The following ZBTB46 variants were observed in gnomAD, a reference collection of about 807,000 sequenced individuals.
The protein encoded by ZBTB46 is zinc finger and BTB domain containing 46, also known as zinc finger and BTB domain-containing protein 46.
ZBTB46 carries 8 observed loss-of-function variants against 44.1 expected under a neutral mutation model. The observed-to-expected ratio is 0.18, with a 90% CI of 0.11 to 0.33. The LOEUF is 0.33. ZBTB46 is among the 10% of genes least tolerant of loss of function. The pLI is 1.00. For missense variants in ZBTB46, 651 were observed against 847.7 expected (o/e 0.77, Z 2.88); for synonymous variants, 409 against 382.3 (o/e 1.07, Z -0.81).
Position 63,775,728 on chromosome 20 carries a change from T to G in ZBTB46, c.1172A>C (p.Asp391Ala), listed in dbSNP as rs773767780. The G allele has an allele frequency of 1.2e-6, 2 of 1,609,744 alleles. No individual in the cohort carries two copies. Among genetic ancestry groups the G allele is most frequent in the South Asian group, 2.2e-5 (2 of 90,644 alleles). ...LSLKADVLGD[D>A]GSLLFEYLPR... is the part of the protein sequence containing the mutation. ...CAGGTACTCGAACAGCAGGGAGCCG[T>G]CATCCCCCAGCACGTCGGCCTTCAG... Residue 391 changes from aspartate to alanine, a missense_variant, in exon 3 of 5, where the codon GAC becomes GCC. Coordinates refer to ENST00000245663, the MANE Select transcript of ZBTB46 (RefSeq NM_001369741.1).
chr20:63,819,745 C>G (rs143933474), intron 1 of ZBTB46, among the ~76,000 whole-genome samples: 181 of 152,284 alleles, frequency 1.2e-3, no homozygotes, highest in African/African-American at 3.7e-3. Flanking sequence ...AGAGTTAGTG[C>G]CACCTCGTAA....
intron 1 of ZBTB46, among the ~76,000 whole-genome samples, chr20:63,801,967 C>T (rs1019391630): frequency 4.6e-5 from 7 of 152,138 alleles, no homozygotes; most frequent in African/African-American, 7.2e-5. Context: ...AAATATTTTT[C>T]CTCAGCTATA....
At chr20:63,759,028 A>T (rs2092250948) in intron 3 of ZBTB46, among the ~76,000 whole-genome samples, 1 of 152,084 alleles carries the variant, frequency 6.6e-6, no homozygotes, top group African/African-American at 2.4e-5. Context: ...CATGGTGCCC[A>T]GCGGAGATTC....
intron 4 of ZBTB46, among the ~76,000 whole-genome samples, chr20:63,748,705 C>A (rs1249185333): frequency 6.6e-6 from 1 of 152,220 alleles, no homozygotes; most frequent in African/African-American, 2.4e-5. Context: ...TGACCCCAGG[C>A]TCCCCTCGGC....
intron 1 of ZBTB46, among the ~76,000 whole-genome samples, chr20:63,812,651 C>T (rs1392217668): frequency 4.6e-5 from 7 of 151,274 alleles, no homozygotes; most frequent in African/African-American, 9.7e-5. Flanking sequence ...TGGTGGCAGG[C>T]GCCTGTAATC....
intron 1 of ZBTB46, among the ~76,000 whole-genome samples, chr20:63,822,936 G>A (rs1418280537): frequency 6.6e-6 from 1 of 151,870 alleles, no homozygotes; most frequent in African/African-American, 2.4e-5. Context: ...CGAGACGGGT[G>A]GATCACTTAA....
chr20:63,788,892 A>G (rs1348757268), intron 2 of ZBTB46, among the ~76,000 whole-genome samples: 3 of 147,664 alleles, frequency 2.0e-5, no homozygotes, highest in Non-Finnish European at 4.5e-5. Context: ...TTGGAGTGCA[A>G]TGGCGCGATC....
At chr20:63,783,913 C>T (rs1032690102) in intron 2 of ZBTB46, among the ~76,000 whole-genome samples, 4 of 152,172 alleles carry the variant, frequency 2.6e-5, no homozygotes, top group Admixed American at 6.5e-5. Context: ...GTTCAGGAGG[C>T]GAAACATTGT....
intron 1 of ZBTB46, among the ~76,000 whole-genome samples, chr20:63,815,846 G>A (rs1280762554): frequency 1.9e-5 from 2 of 104,286 alleles, no homozygotes; most frequent in African/African-American, 4.3e-5. Flanking sequence ...CACAGGTGCA[G>A]TGAGTGCAGG....
rs746633633 is a variant in ZBTB46, at chr20:63,748,914, C to G, written c.1399-1613G>C. 1.1e-4 allele frequency among the ~76,000 whole-genome samples: 16 copies of G among 152,224 alleles called. 1 individual carries two copies. Among genetic ancestry groups the G allele is most frequent in the Non-Finnish European group, 2.2e-4 (15 of 68,032 alleles). On this transcript the variant is annotated intron_variant, in intron 4 of 4. Coordinates refer to ENST00000245663, the MANE Select transcript of ZBTB46 (RefSeq NM_001369741.1). ...ACGGTCCTGCTACACTTGCAAAGAC[C>G]TCTGACGGGCAGGCACCACAGCTAC... is the stretch of plus-strand genomic sequence containing the variant.
At chr20:63,753,941 G>C (rs543164348) in intron 3 of ZBTB46, among the ~76,000 whole-genome samples, 1 of 152,330 alleles carries the variant, frequency 6.6e-6, no homozygotes, top group Non-Finnish European at 1.5e-5. Flanking sequence ...CTGCCCTCCT[G>C]ACCAGCAGTC....
upstream of ZBTB46, among the ~76,000 whole-genome samples, chr20:63,832,113 C>T (rs1163771493): frequency 1.3e-5 from 2 of 151,986 alleles, no homozygotes; most frequent in Non-Finnish European, 2.9e-5. The surrounding 1 kb of genome is among the most constrained non-coding windows in gnomAD (Gnocchi z 5.0). Flanking sequence ...CGGGAGGGGG[C>T]GGGAACCAGC....
rs1046668047 is a variant in ZBTB46, at chr20:63,752,163, C to T, written c.1398+523G>A. Among the ~76,000 whole-genome samples the T allele has an allele frequency of 6.6e-6, 1 of 152,180 alleles. No homozygotes were observed. ...GTTGATCTCACCCACTTGAGATGCC[C>T]TCGCCAGGCCTTTTTTGGCAAATCT... On this transcript the variant is annotated intron_variant, in intron 4 of 4. Transcript: ENST00000245663. This position sits in a 1 kb window ranked among gnomAD's most constrained non-coding sequence, Gnocchi z 5.6.
chr20:63,758,234 G>A (rs2092242160), intron 3 of ZBTB46, among the ~76,000 whole-genome samples: 1 of 141,656 alleles, frequency 7.1e-6, no homozygotes, highest in Non-Finnish European at 1.5e-5. Flanking sequence ...CTGCTCCATA[G>A]GTTCTCACAC....
chr20:63,762,726 T>C (rs556350678), intron 3 of ZBTB46, among the ~76,000 whole-genome samples: 1 of 152,282 alleles, frequency 6.6e-6, no homozygotes, highest in South Asian at 2.1e-4. Context: ...TTAGGATTGT[T>C]ATATTTACTA....
chr20:63,765,532 G>A (rs1383893482), intron 3 of ZBTB46, among the ~76,000 whole-genome samples: 1 of 152,202 alleles, frequency 6.6e-6, no homozygotes, highest in Non-Finnish European at 1.5e-5. Context: ...GTGCCCAAGC[G>A]ATCCTCCCTC....
intron 1 of ZBTB46, among the ~76,000 whole-genome samples, chr20:63,809,732 C>T (rs1568895989): frequency 1.3e-5 from 2 of 152,120 alleles, no homozygotes; most frequent in Non-Finnish European, 2.9e-5. Context: ...GAAGCCGGGG[C>T]GAGCAGATGG....
chr20:63,760,657 C>G (rs1219187287), intron 3 of ZBTB46, among the ~76,000 whole-genome samples: 1 of 152,022 alleles, frequency 6.6e-6, no homozygotes, highest in East Asian at 1.9e-4. Flanking sequence ...AGGGTTTCAC[C>G]GTGTTAGCCA....
intron 3 of ZBTB46, among the ~76,000 whole-genome samples, chr20:63,760,020 TCAC>T (rs1353256250): frequency 1.3e-5 from 2 of 152,234 alleles, no homozygotes; most frequent in East Asian, 3.8e-4. Flanking sequence ...TTCCTCTGTC[TCAC>T]TGGATTCAAT....
Sources: allele counts gnomAD v4.1 joint callset (sites outside exome capture counted in the v4.1 genomes callset), GRCh38; gene constraint gnomAD v4.1.1; non-coding constraint Gnocchi (gnomAD v3.1); transcripts MANE v1.5; gene names NCBI Gene and HGNC (gene_info 2026-07-23, HGNC 2026-07-21).